Variants in MROH6 observed in about 807,000 individuals in gnomAD.
MROH6 encodes maestro heat like repeat family member 6.
A neutral mutation model predicts 67.7 loss-of-function variants in MROH6; 62 were observed. The observed-to-expected ratio is 0.92, with a 90% CI of 0.75 to 1.13. The LOEUF (loss-of-function observed/expected upper bound fraction) is 1.13. Among genes scored for constraint, MROH6 ranks in the 50% most tolerant of loss-of-function variants. The probability of loss-of-function intolerance (pLI) is 0.00; values close to 1 mark genes in which losing one functional copy is unlikely to be tolerated. For missense variants in MROH6, 1,175 were observed against 1,029.1 expected, an observed-to-expected ratio of 1.14 and a Z score of -1.94; for synonymous variants, 566 against 470.8, an observed-to-expected ratio of 1.20 and a Z score of -2.62.
At position 143,570,197 on chromosome 8, in the gene MROH6, T is replaced by A. The variant is rs565192699; in HGVS notation, c.1043+46A>T. 3.8e-6 allele frequency: 6 copies of A among 1,558,886 alleles called. No homozygotes were observed. In the East Asian group the frequency reaches 1.4e-4, roughly 35 times the overall value. ...TGCCCAGCACCTGGCCAGCAACGAC[T>A]CTCTTCCTGGTGTGACACCCTGGGG... On this transcript the variant is annotated intron_variant, in intron 6 of 13. Transcript: ENST00000398882.
Position 143,567,430 on chromosome 8 carries a change from CA to C in MROH6, c.1968del (p.Val657TrpfsTer162). 3 of 1,328,260 alleles carry C rather than the reference CA, an allele frequency of 2.3e-6. No individual in the cohort carries two copies. The highest frequency in any genetic ancestry group is 4.0e-5 in the South Asian group (2 of 50,322). 82.3% of individuals were successfully genotyped at this position (1,328,260 alleles called of 1,614,324 possible). A position where few individuals can be genotyped will look rare whatever the true frequency, so the allele number is the denominator to read the frequency against. On this transcript the variant is annotated frameshift_variant, in exon 14 of 14. Coordinates refer to ENST00000398882, the MANE Select transcript of MROH6 (RefSeq NM_001100878.2). LOFTEE classifies it low-confidence loss of function (END_TRUNC). ...LGRLQSDPKP[A>X]VAAAAHVSAQ... The stretch of plus-strand genomic sequence containing the variant: ...GCGGACACGTGCGCTGCCGCGGCCA[CA>C]GCCGGCTTGGGGTCGCTCTGCAGTC...
intron 5 of MROH6, 28 bp downstream of exon 5, chr8:143,570,445 C>G: frequency 8.0e-7 from 1 of 1,249,702 alleles, no homozygotes; most frequent in Admixed American, 2.0e-5. Flanking sequence ...TGCTGGCCCG[C>G]CCCACGTAAC....
chr8:143,570,445 C>T (rs1325878980), intron 5 of MROH6, 28 bp downstream of exon 5: 2 of 1,249,700 alleles, frequency 1.6e-6, no homozygotes, highest in South Asian at 1.8e-5. Flanking sequence ...TGCTGGCCCG[C>T]CCCACGTAAC....
At chr8:143,568,810 G>A in intron 9 of MROH6, 91 bp from the exon 10 acceptor site, 1 of 1,045,062 alleles carries the variant, frequency 9.6e-7, no homozygotes. Context: ...GGAAGCGGCG[G>A]GTCTAGGGAA....
intron 1 of MROH6, 80 bp downstream of exon 1, chr8:143,572,341 C>T: frequency 6.8e-7 from 1 of 1,480,088 alleles, no homozygotes; most frequent in African/African-American, 1.4e-5. Context: ...CAGCACCGCC[C>T]CCCTGCCACC....
chr8:143,568,007 G>T lies in MROH6; in HGVS notation c.1765-119C>A, dbSNP rs182262657. The stretch of plus-strand genomic sequence containing the variant: ...AGCCCCCAGGGCAGGTGGCATGGTC[G>T]GAGACCTTGGACTTGCCCCACCAGT... On this transcript the variant is annotated intron_variant, in intron 11 of 13. Transcript: ENST00000398882. The T allele has an allele frequency of 1.2e-5, 17 of 1,451,892 alleles. No individual in the cohort carries two copies. In the East Asian group the frequency reaches 3.7e-4, roughly 32 times the overall value. 89.9% of individuals were successfully genotyped at this position (1,451,892 alleles called of 1,614,324 possible). A position where few individuals can be genotyped will look rare whatever the true frequency, so the allele number is the denominator to read the frequency against.
intron 9 of MROH6, 31 bp from the exon 10 acceptor site, chr8:143,568,750 G>A (rs762699508): frequency 1.2e-4 from 177 of 1,426,252 alleles, no homozygotes; most frequent in Non-Finnish European, 1.6e-4. Flanking sequence ...AGGGCAGGCG[G>A]AGACAGAGAG....
intron 13 of MROH6, 23 bp downstream of exon 13, chr8:143,567,588 C>T: frequency 6.5e-7 from 1 of 1,548,938 alleles, no homozygotes; most frequent in Non-Finnish European, 8.7e-7. Context: ...AGGACACCAT[C>T]CCCTGGCAAG....
chr8:143,569,908 G>C, intron 7 of MROH6, 43 bp downstream of exon 7: 1 of 1,611,488 alleles, frequency 6.2e-7, no homozygotes, highest in South Asian at 1.1e-5. Context: ...CAGGGATCAA[G>C]TCCAGGGTCA....
Position 143,572,514 on chromosome 8 carries a change from T to C in MROH6, c.201A>G (p.Ala67=), listed in dbSNP as rs1171599802. 1 of 1,606,186 alleles carries C rather than the reference T, an allele frequency of 6.2e-7. No individual in the cohort carries two copies. Among genetic ancestry groups the C allele is most frequent in the Non-Finnish European group, 8.5e-7 (1 of 1,177,524 alleles). Residue 67 remains alanine (A), a synonymous_variant, in exon 1 of 14, where the codon GCA becomes GCG. Transcript: ENST00000398882. Reference sequence around the variant, plus strand: ...GGACGGTGGCCCCACGTCCAGGCTCTGCCTCAGAGGGGGCGGTGAGTGCCT... The same window carrying C: ...GGACGGTGGCCCCACGTCCAGGCTCCGCCTCAGAGGGGGCGGTGAGTGCCT... ...QTQALTAPSE[A]EPGRGATVPE...
rs771587755 is a variant in MROH6, at chr8:143,572,435, CAG to C, written c.278_279del (p.Pro93ArgfsTer120). 2.5e-6 allele frequency: 4 copies of C among 1,583,848 alleles called. No individual in the cohort carries two copies. Among genetic ancestry groups the C allele is most frequent in the Admixed American group, 1.7e-5 (1 of 58,126 alleles). On this transcript the variant is annotated frameshift_variant, in exon 1 of 14. Coordinates refer to ENST00000398882, the MANE Select transcript of MROH6 (RefSeq NM_001100878.2). LOFTEE classifies it high-confidence loss of function. ...TCCCCCGTCACCTGGTGGGGCCCCT[CAG>C]GGGCTGGTTCCAGGGCACTGTTGAG... The part of the protein sequence containing the change: ...CSLNSALEPA[P>X]EGPHQVPQSS...
chr8:143,568,354 G>C, intron 10 of MROH6, 93 bp from the exon 11 acceptor site: 1 of 1,493,912 alleles, frequency 6.7e-7, no homozygotes, highest in Admixed American at 2.1e-5. Flanking sequence ...ATCGGGTGAG[G>C]GGCAGAAGAG....
At chr8:143,568,308 G>A (rs773184121) in intron 10 of MROH6, 47 bp from the exon 11 acceptor site, 5 of 1,561,854 alleles carry the variant, frequency 3.2e-6, no homozygotes, top group Admixed American at 1.9e-5. Context: ...GAAGTAGAAA[G>A]GCAAAAGGTG....
Position 143,569,451 on chromosome 8 carries a change from A to G in MROH6, c.1466T>C (p.Leu489Pro). 1 of 1,455,986 alleles carries G rather than the reference A, an allele frequency of 6.9e-7. No individual in the cohort carries two copies. Among genetic ancestry groups the G allele is most frequent in the South Asian group, 1.4e-5 (1 of 73,252 alleles). The allele number at this position is 1,455,986 out of a possible 1,614,324, so 90.2% of individuals were successfully genotyped here. The stretch of plus-strand genomic sequence containing the variant: ...GGGGCGTTTGCTCACGTCGTCCAGT[A>G]GCGGAGGGAGGCGCGGTCCCAGCTC... ...SAELGPRLPP[L>P]LDDTRDSIRA... Residue 489 changes from leucine to proline, a missense_variant, in exon 9 of 14, where the codon CTA (leucine) becomes CCA (proline). Coordinates refer to ENST00000398882, the MANE Select transcript of MROH6 (RefSeq NM_001100878.2).
rs373756043 is a variant in MROH6, at chr8:143,569,970, G to A, written c.1139C>T (p.Ala380Val). ...RSADDPQRLT[A>V]MAFFTGLLQS... ...GCTCACCCCTGTGAAGAAGGCCATAGCCGTGAGACGCTGCGGGTCGTCCGC... is the reference window on the plus strand; with the variant it reads ...GCTCACCCCTGTGAAGAAGGCCATAACCGTGAGACGCTGCGGGTCGTCCGC... Residue 380 changes from alanine (A) to valine (V), a missense_variant, in exon 7 of 14, where the codon GCT (alanine) becomes GTT (valine). Coordinates refer to ENST00000398882, the MANE Select transcript of MROH6 (RefSeq NM_001100878.2). 6.2e-6 allele frequency: 10 copies of A among 1,613,150 alleles called. No individual in the cohort carries two copies. The African/African-American group carries it at 1.3e-4, about 22-fold the overall frequency.
chr8:143,570,834 C>T, intron 4 of MROH6, 43 bp downstream of exon 4: 1 of 1,092,364 alleles, frequency 9.2e-7, no homozygotes, highest in Admixed American at 2.3e-5. Context: ...TCGCCACCCC[C>T]CACCCCCGCC....
chr8:143,569,737 C>G lies in MROH6; in HGVS notation c.1262G>C (p.Gly421Ala), dbSNP rs1338487656. 3 of 1,613,098 alleles carry G rather than the reference C, an allele frequency of 1.9e-6. No individual in the cohort carries two copies. Among genetic ancestry groups the G allele is most frequent in the Admixed American group, 3.3e-5 (2 of 60,000 alleles). Residue 421 changes from glycine to alanine, a missense_variant, in exon 8 of 14, where the codon GGC becomes GCC. Gly to Ala is a moderately conservative substitution (Grantham distance 60). Coordinates refer to ENST00000398882, the MANE Select transcript of MROH6 (RefSeq NM_001100878.2). ...GDPEPTVRWL[G>A]LLGLGHLALN... is the part of the protein sequence containing the mutation. ...CGCGAGGTGGCCCAGGCCCAGCAGG[C>G]CCAACCAGCGCACAGTGGGTTCGGG...
Position 143,569,518 on chromosome 8 carries a change from G to T in MROH6, c.1399C>A (p.Leu467Ile). The T allele has an allele frequency of 2.7e-6, 4 of 1,500,432 alleles. No homozygotes were observed. The highest frequency in any genetic ancestry group is 1.2e-5 in the South Asian group (1 of 80,054). The allele number at this position is 1,500,432 out of a possible 1,614,324, so 92.9% of individuals were successfully genotyped here. The change falls in exon 9 of 14, where the codon CTC becomes ATC. Residue 467 changes from leucine to isoleucine, a missense_variant. Leu to Ile is a conservative substitution (Grantham distance 5, BLOSUM62 2). Transcript: ENST00000398882. The stretch of plus-strand genomic sequence containing the variant: ...ACAGGCGCCCGGGGCCGCAGCAGGA[G>T]CCTCCTCAGGGCGCCCAGCGCTGCA... ...VGAALGALRR[L>I]LLRPRAPVRL...
rs762457373 is a variant in MROH6, at chr8:143,568,657, C to T, written c.1539G>A (p.Arg513=). Residue 513 remains arginine (R), a synonymous_variant, in exon 10 of 14, where the codon CGG becomes CGA. Coordinates refer to ENST00000398882, the MANE Select transcript of MROH6 (RefSeq NM_001100878.2). ...CGCGGAGCCCCAGCCGGAGCCCGCC[C>T]CGGCCCCGGCGCACCAGAGTCCCAA... ...GLLGTLVRRG[R]GGLRLGLRGP... 1 of 1,531,982 alleles carries T rather than the reference C, an allele frequency of 6.5e-7. No homozygotes were observed. 94.9% of individuals were successfully genotyped at this position (1,531,982 alleles called of 1,614,324 possible). A position where few individuals can be genotyped will look rare whatever the true frequency, so the allele number is the denominator to read the frequency against.
Sources: gnomAD v4.1 joint callset for allele counts on GRCh38, gnomAD v4.1.1 for gene constraint, MANE v1.5 for transcripts, NCBI Gene and HGNC (gene_info 2026-07-23, HGNC 2026-07-21) for gene names.